Variants in MNS1 observed in about 807,000 individuals in gnomAD.
MNS1 encodes the protein meiosis specific nuclear structural 1, also known as meiosis-specific nuclear structural protein 1.
MNS1 carries 63 observed loss-of-function variants against 72.0 expected under a neutral mutation model. That is an observed-to-expected ratio of 0.87 (90% CI 0.71 to 1.08). The LOEUF (loss-of-function observed/expected upper bound fraction) is 1.08. Ranked by LOEUF, MNS1 falls within the 50% of genes least tolerant of loss-of-function variation. The pLI is 0.00. For synonymous variants in MNS1, 188 were observed against 172.1 expected (o/e 1.09, Z -0.72); for missense variants, 604 against 562.4 (o/e 1.07, Z -0.75).
At chr15:56,457,978 T>G (rs1445324262) in intron 2 of MNS1, among the ~76,000 whole-genome samples, 1 of 152,196 alleles carries the variant, frequency 6.6e-6, no homozygotes, top group African/African-American at 2.4e-5. Context: ...CAGACATCCT[T>G]CATCATGTGA....
At chr15:56,460,256 G>A (rs879599955) in intron 2 of MNS1, among the ~76,000 whole-genome samples, 34 of 151,570 alleles carry the variant, frequency 2.2e-4, no homozygotes, top group Admixed American at 5.3e-4. Flanking sequence ...CATGAGAAAG[G>A]GTAATGATCT....
At chr15:56,461,975 G>GTTGTTTTTT (rs1555449789) in intron 2 of MNS1, among the ~76,000 whole-genome samples, 3 of 97,908 alleles carry the variant, frequency 3.1e-5, no homozygotes, top group African/African-American at 1.2e-4. Flanking sequence ...TTTTGTTGTT[G>GTTGTTTTTT]TTTTTTTTTT....
chr15:56,432,847 T>C (rs1056794667), intron 8 of MNS1, among the ~76,000 whole-genome samples: 14 of 152,200 alleles, frequency 9.2e-5, no homozygotes, highest in African/African-American at 3.1e-4. Context: ...TGACTCCTAC[T>C]TTGTATAGTT....
chr15:56,433,894 A>C (rs1166857715), intron 8 of MNS1, among the ~76,000 whole-genome samples: 2 of 152,160 alleles, frequency 1.3e-5, no homozygotes, highest in East Asian at 3.8e-4. Flanking sequence ...CCATAAATTC[A>C]TAAGTGACAT....
chr15:56,447,060 A>AT, intron 3 of MNS1, 117 bp from the exon 4 acceptor site: 1 of 674,158 alleles, frequency 1.5e-6, no homozygotes, highest in African/African-American at 1.8e-5. Context: ...AGCGGGTATT[A>AT]TTTTAGATCC....
intron 3 of MNS1, among the ~76,000 whole-genome samples, chr15:56,453,239 A>G (rs532593885): frequency 6.6e-6 from 1 of 152,264 alleles, no homozygotes; most frequent in East Asian, 1.9e-4. Flanking sequence ...ATACATTCAA[A>G]TATCAACTAA....
chr15:56,464,957 C>T lies in MNS1; in HGVS notation c.3+13G>A, dbSNP rs1271518769. 3 of 1,611,394 alleles carry T rather than the reference C, an allele frequency of 1.9e-6. No individual in the cohort carries two copies. Among genetic ancestry groups the T allele is most frequent in the Admixed American group, 3.4e-5 (2 of 59,460 alleles). Reference sequence around the variant, plus strand: ...CAATAAACAAGTAGTTTCAAGTCCCCCAACTGGCTCACCATCTTGGCTGAC... The same window carrying T: ...CAATAAACAAGTAGTTTCAAGTCCCTCAACTGGCTCACCATCTTGGCTGAC... On this transcript the variant is annotated intron_variant, in intron 1 of 9. Transcript: ENST00000260453.
chr15:56,431,518 TTTG>T lies in MNS1; in HGVS notation c.1270-23_1270-21del, dbSNP rs1481939443. On this transcript the variant is annotated intron_variant, in intron 8 of 9. Transcript: ENST00000260453. The stretch of plus-strand genomic sequence containing the variant: ...ACGTTGCTGGAAATGCAGATCAAAT[TTTG>T]TTATCACAAAGTACATTAATCTTAT... 5 of 1,612,884 alleles carry T rather than the reference TTTG, an allele frequency of 3.1e-6. No homozygotes were observed. The African/African-American group carries it at 5.3e-5, about 17-fold the overall frequency.
rs756451453 is a variant in MNS1 at position 56,443,763 on chromosome 15, G to A, written c.778C>T (p.Arg260Cys). 18 of 1,612,620 alleles carry A rather than the reference G, an allele frequency of 1.1e-5. No individual in the cohort carries two copies. The highest frequency in any genetic ancestry group is 1.6e-4 in the Middle Eastern group (1 of 6,080). The part of the protein sequence containing the change: ...KEQALWRKKK[R>C]EEMEEENRKI... ...CTGTTTTCTTCTTCCATCTCCTCAC[G>A]TTTCTTTTTTCTCCAGAGAGCCTGC... Residue 260 changes from arginine (R) to cysteine (C), a missense_variant, in exon 6 of 10, where the codon CGT becomes TGT. Physicochemically the swap from Arg to Cys is radical, Grantham distance 180. Transcript: ENST00000260453.
chr15:56,431,814 T>A (rs1433890935), intron 8 of MNS1, among the ~76,000 whole-genome samples: 2 of 151,922 alleles, frequency 1.3e-5, no homozygotes, highest in Non-Finnish European at 2.9e-5. Context: ...TACTGAATGC[T>A]TACCATATAC....
chr15:56,446,044 C>G (rs745884098), intron 4 of MNS1: 12 of 151,978 alleles, frequency 7.9e-5, no homozygotes, highest in African/African-American at 2.4e-4. Context: ...ATTGTACACA[C>G]GCAACACACA....
intron 2 of MNS1, among the ~76,000 whole-genome samples, chr15:56,459,260 G>C (rs1370073826): frequency 6.6e-6 from 1 of 152,122 alleles, no homozygotes; most frequent in Admixed American, 6.5e-5. Context: ...ATGTTTTCAA[G>C]GTTCATCCGT....
chr15:56,430,062 T>C (rs2050533074), intron 9 of MNS1: 1 of 152,216 alleles, frequency 6.6e-6, no homozygotes, highest in Non-Finnish European at 1.5e-5. Flanking sequence ...CTATATATCT[T>C]TTTCCTTCCT....
At position 56,434,414 on chromosome 15, in the gene MNS1, AG is replaced by A; in HGVS notation, c.1012-20del. 1.3e-6 allele frequency: 2 copies of A among 1,592,846 alleles called. No individual in the cohort carries two copies. The highest frequency in any genetic ancestry group is 1.7e-6 in the Non-Finnish European group (2 of 1,169,408). Reference sequence around the variant, plus strand: ...CTTCTTCCTAAACAATACAGCTGAAAGTTAATTTAGTAACTATTTCCTTACA... The same window carrying A: ...CTTCTTCCTAAACAATACAGCTGAAATTAATTTAGTAACTATTTCCTTACA... On this transcript the variant is annotated intron_variant, in intron 7 of 9. Transcript: ENST00000260453.
At chr15:56,447,637 ATTT>A (rs1379012421) in intron 3 of MNS1, 1 of 152,156 alleles carries the variant, frequency 6.6e-6, no homozygotes. Context: ...CACTGAATAT[ATTT>A]TTTAGTTTTC....
At chr15:56,443,390 C>T (rs372654124) in intron 7 of MNS1, 40 bp downstream of exon 7, 45 of 1,403,580 alleles carry the variant, frequency 3.2e-5, no homozygotes, top group Non-Finnish European at 4.1e-5. Context: ...AAATTATATT[C>T]TTCTCTACAT....
intron 7 of MNS1, among the ~76,000 whole-genome samples, chr15:56,435,941 A>C (rs1269510371): frequency 2.0e-5 from 3 of 152,076 alleles, no homozygotes; most frequent in African/African-American, 7.2e-5. Flanking sequence ...AGAATTATTC[A>C]CCATGACCAA....
intron 3 of MNS1, among the ~76,000 whole-genome samples, chr15:56,455,586 T>C (rs2050976800): frequency 6.6e-6 from 1 of 152,184 alleles, no homozygotes; most frequent in Non-Finnish European, 1.5e-5. Flanking sequence ...TACATAAGTA[T>C]ATGATTAGCA....
chr15:56,449,185 T>C (rs2050930014), intron 3 of MNS1, among the ~76,000 whole-genome samples: 1 of 152,196 alleles, frequency 6.6e-6, no homozygotes, highest in African/African-American at 2.4e-5. Flanking sequence ...GATTAGTATG[T>C]ATAATACAAA....
Sources: allele counts gnomAD v4.1 joint callset (sites outside exome capture counted in the v4.1 genomes callset), GRCh38; gene constraint gnomAD v4.1.1; transcripts MANE v1.5; gene names NCBI Gene and HGNC (gene_info 2026-07-23, HGNC 2026-07-21).